The following HDLBP variants were observed in gnomAD, a reference collection of about 807,000 sequenced individuals.
The protein encoded by HDLBP is high density lipoprotein binding protein, also known as vigilin.
In HDLBP, 30 loss-of-function variants were observed where a neutral mutation model predicts 137.3. That is an observed-to-expected ratio of 0.22 (90% CI 0.16 to 0.30). The LOEUF is 0.30. Ranked by LOEUF, HDLBP falls within the 10% of genes least tolerant of loss-of-function variation. HDLBP has a pLI of 1.00. For missense variants in HDLBP, 1,119 were observed against 1,667.3 expected (o/e 0.67, Z 5.73); for synonymous variants, 606 against 596.0 (o/e 1.02, Z -0.24).
intron 2 of HDLBP, chr2:241,267,868 GA>G: frequency 1.0e-6 from 1 of 985,438 alleles, no homozygotes; most frequent in Non-Finnish European, 1.2e-6. Flanking sequence ...CAAGGGCGCT[GA>G]GTTTCTCATT....
chr2:241,257,275 C>T (rs1003853110), intron 5 of HDLBP, among the ~76,000 whole-genome samples: 8 of 152,242 alleles, frequency 5.3e-5, no homozygotes, highest in Admixed American at 5.2e-4. Context: ...GCTCTGACGT[C>T]AGGCTGGAGT....
In HDLBP at chr2:241,242,461, T is replaced by C. The variant is rs1401851553; in HGVS notation, c.2168A>G (p.Lys723Arg). Reference sequence around the variant, plus strand: ...GTCACGCTCCCTCCCCATGCTCACCTTCTCCTCCGCCAGATGCAGGAGCTG... The same window carrying C: ...GTCACGCTCCCTCCCCATGCTCACCCTCTCCTCCGCCAGATGCAGGAGCTG... ...KKQLLHLAEE[K>R]QTKSFTVDIR... Residue 723 changes from lysine (K) to arginine (R), a missense_variant and splice_region_variant, in exon 17 of 28, where the codon AAG becomes AGG. Coordinates refer to ENST00000310931, the MANE Select transcript of HDLBP (RefSeq NM_005336.6). The C allele has an allele frequency of 1.9e-6, 3 of 1,613,074 alleles. No individual in the cohort carries two copies. The highest frequency in any genetic ancestry group is 3.3e-5 in the Admixed American group (2 of 59,986).
At chr2:241,236,256 A>G (rs955619371) in intron 21 of HDLBP, 74 of 299,776 alleles carry the variant, frequency 2.5e-4, no homozygotes, top group African/African-American at 1.4e-3. Context: ...AAGGTGAGCT[A>G]GGCCTGATAA....
At chr2:241,255,235 G>A (rs2149481076) in intron 8 of HDLBP, 77 bp from the exon 9 acceptor site, 1 of 1,462,388 alleles carries the variant, frequency 6.8e-7, no homozygotes, top group Non-Finnish European at 9.6e-7. Context: ...TGCTCACCTG[G>A]GGCTCAGAGG....
intron 1 of HDLBP, among the ~76,000 whole-genome samples, chr2:241,281,947 G>A (rs1279381288): frequency 2.6e-5 from 4 of 152,014 alleles, no homozygotes; most frequent in African/African-American, 7.3e-5. Flanking sequence ...AACTGACAAG[G>A]GAGTTTTTCT....
intron 1 of HDLBP, among the ~76,000 whole-genome samples, chr2:241,271,688 G>C (rs563675274): frequency 3.9e-5 from 6 of 152,170 alleles, no homozygotes; most frequent in African/African-American, 1.4e-4. Context: ...AATGAGACCC[G>C]CAAGTGCTTT....
In HDLBP at chr2:241,240,674, A is replaced by G. The variant is rs2071116981; in HGVS notation, c.2170-552T>C. On this transcript the variant is annotated intron_variant, in intron 17 of 27. Transcript: ENST00000310931. This position sits in a 1 kb window ranked among gnomAD's most constrained non-coding sequence, Gnocchi z 5.5. Reference sequence around the variant, plus strand: ...TCCCCAGGCTCAAGCTCAAGCTCAGAGGGACACAAGCCAACCAAGGCTACA... The same window carrying G: ...TCCCCAGGCTCAAGCTCAAGCTCAGGGGGACACAAGCCAACCAAGGCTACA... Among the ~76,000 whole-genome samples the G allele has an allele frequency of 6.6e-6, 1 of 152,156 alleles. No homozygotes were observed.
At chr2:241,234,737 G>A (rs1347345350) in intron 23 of HDLBP, among the ~76,000 whole-genome samples, 1 of 152,152 alleles carries the variant, frequency 6.6e-6, no homozygotes, top group Non-Finnish European at 1.5e-5. Flanking sequence ...GAAGTCATTC[G>A]CCCTTTGACC....
chr2:241,261,312 A>T (rs2073156949), intron 5 of HDLBP, among the ~76,000 whole-genome samples: 1 of 152,232 alleles, frequency 6.6e-6, no homozygotes, highest in African/African-American at 2.4e-5. Flanking sequence ...TGAAAAGACC[A>T]ACTGAAAGAA....
Position 241,255,134 on chromosome 2 carries a change from CAG to C in HDLBP, c.1103_1104del (p.Ser368CysfsTer65). On this transcript the variant is annotated frameshift_variant, in exon 9 of 28. Coordinates refer to ENST00000310931, the MANE Select transcript of HDLBP (RefSeq NM_005336.6). LOFTEE classifies it high-confidence loss of function. The part of the protein sequence containing the change: ...YAKANSFTVS[S>X]VAAPSWLHRF... ...CGGTGAAGCCAGGAAGGGGCGGCGA[CAG>C]AGGAGACGGTGAAGCTATTGGCCTA... The C allele has an allele frequency of 6.2e-7, 1 of 1,614,164 alleles. No individual in the cohort carries two copies. The highest frequency in any genetic ancestry group is 8.5e-7 in the Non-Finnish European group (1 of 1,180,026).
chr2:241,267,155 T>G (rs943161629), intron 2 of HDLBP, among the ~76,000 whole-genome samples: 3 of 151,912 alleles, frequency 2.0e-5, no homozygotes, highest in African/African-American at 7.3e-5. Flanking sequence ...TGGGCCACAA[T>G]GCAAGAAGAA....
intron 12 of HDLBP, 33 bp from the exon 13 acceptor site, chr2:241,248,381 C>T (rs1385013799): frequency 1.3e-6 from 2 of 1,546,686 alleles, no homozygotes; most frequent in South Asian, 1.1e-5. Flanking sequence ...TGTCATTTAT[C>T]ACAAGCACGG....
In HDLBP at chr2:241,291,568, T is replaced by C. The variant is rs1034631909; in HGVS notation, c.-102-23027A>G. Among the ~76,000 whole-genome samples, 3 of 152,338 alleles carry C rather than the reference T, an allele frequency of 2.0e-5. No individual in the cohort carries two copies. The South Asian group carries it at 6.2e-4, about 32-fold the overall frequency. On this transcript the variant is annotated intron_variant, in intron 1 of 27. Transcript: ENST00000310931. ...ACTGATAAAGGAAAGAAATCATTCA[T>C]TTCTTCTTTCTCCCCAGCAGGAACC...
In HDLBP at chr2:241,230,382, G is replaced by T; in HGVS notation, c.3475-113C>A. 1.4e-6 allele frequency: 1 copy of T among 730,200 alleles called. No individual in the cohort carries two copies. Among genetic ancestry groups the T allele is most frequent in the Non-Finnish European group, 2.3e-6 (1 of 436,010 alleles). The allele number at this position is 730,200 out of a possible 1,614,324, so 45.2% of individuals were successfully genotyped here. A position where few individuals can be genotyped will look rare whatever the true frequency, so the allele number is the denominator to read the frequency against. ...TGAGTTAGCAAACGTTTTAAAATCT[G>T]GTTTCAGAGTTGTTCTGAAGTCAGT... On this transcript the variant is annotated intron_variant, in intron 25 of 27. Coordinates refer to ENST00000310931, the MANE Select transcript of HDLBP (RefSeq NM_005336.6). The surrounding 1 kb of genome is among the most constrained non-coding windows in gnomAD (Gnocchi z 5.0).
chr2:241,236,400 T>C (rs1242434379), intron 21 of HDLBP: 2 of 584,528 alleles, frequency 3.4e-6, no homozygotes, highest in Admixed American at 3.1e-5. Context: ...AGAAAGGGGC[T>C]ATAGAACCCC....
At chr2:241,310,603 A>T (rs1384986341) in intron 1 of HDLBP, among the ~76,000 whole-genome samples, 1 of 152,204 alleles carries the variant, frequency 6.6e-6, no homozygotes, top group Admixed American at 6.5e-5. Context: ...GGGAAAAAGA[A>T]ACCTTAAGAA....
chr2:241,258,295 C>T (rs984648586), intron 5 of HDLBP, among the ~76,000 whole-genome samples: 1 of 141,096 alleles, frequency 7.1e-6, no homozygotes, highest in African/African-American at 2.7e-5. Flanking sequence ...TGCAGTGAGC[C>T]GAGATCGCGC....
intron 1 of HDLBP, among the ~76,000 whole-genome samples, chr2:241,305,276 A>G (rs772103445): frequency 6.6e-6 from 1 of 152,180 alleles, no homozygotes; most frequent in Non-Finnish European, 1.5e-5. Flanking sequence ...GGCATGTGTC[A>G]CTACACCCGG....
intron 2 of HDLBP, among the ~76,000 whole-genome samples, chr2:241,268,157 T>A (rs567857052): frequency 1.3e-5 from 2 of 152,192 alleles, no homozygotes; most frequent in South Asian, 2.1e-4. Flanking sequence ...TCTCCCCAAG[T>A]TGAAGAAAAG....
Sources: allele counts gnomAD v4.1 joint callset (sites outside exome capture counted in the v4.1 genomes callset), GRCh38; gene constraint gnomAD v4.1.1; non-coding constraint Gnocchi (gnomAD v3.1); transcripts MANE v1.5; gene names NCBI Gene and HGNC (gene_info 2026-07-23, HGNC 2026-07-21).